Variants in SLC17A1 observed in about 807,000 individuals in gnomAD.
The protein encoded by SLC17A1 is sodium-dependent phosphate transport protein 1.
A neutral mutation model predicts 53.5 loss-of-function variants in SLC17A1; 51 were observed. The ratio of observed to expected loss-of-function variants is 0.95; its 90% CI spans 0.76 to 1.20. The LOEUF is 1.20. Among genes scored for constraint, SLC17A1 ranks in the 50% most tolerant of loss-of-function variants. SLC17A1 has a pLI of 0.00. For missense variants in SLC17A1, 538 were observed against 568.2 expected, an observed-to-expected ratio of 0.95 and a Z score of 0.54; for synonymous variants, 179 against 198.8, an observed-to-expected ratio of 0.90 and a Z score of 0.84.
intron 1 of SLC17A1, among the ~76,000 whole-genome samples, chr6:25,831,688 C>T (rs1474594305): frequency 6.6e-6 from 1 of 152,092 alleles, no homozygotes; most frequent in Non-Finnish European, 1.5e-5. Context: ...GGCACAGATG[C>T]ACCAGGCGTA....
At chr6:25,732,738 T>C in the SLC17A1 span, 3 of 1,175,726 alleles carry the variant, frequency 2.6e-6, no homozygotes, top group Non-Finnish European at 3.7e-6. Flanking sequence ...CGAGTGACAA[T>C]GGCTTAGGGT....
chr6:25,798,033 T>G (rs544681800), intron 12 of SLC17A1, among the ~76,000 whole-genome samples: 2 of 152,304 alleles, frequency 1.3e-5, no homozygotes, highest in South Asian at 4.1e-4. Flanking sequence ...TTCAGTTTGA[T>G]TTTCTTAGCA....
chr6:25,766,577 G>T, the SLC17A1 span, among the ~76,000 whole-genome samples: 1 of 151,960 alleles, frequency 6.6e-6, no homozygotes, highest in Non-Finnish European at 1.5e-5. Flanking sequence ...CTCAAGCCAG[G>T]GCACCAAGAT....
At chr6:25,743,878 G>T in the SLC17A1 span, among the ~76,000 whole-genome samples, 3 of 152,318 alleles carry the variant, frequency 2.0e-5, no homozygotes, top group Admixed American at 2.0e-4. Flanking sequence ...ATGTACAAAA[G>T]TTCATGAGAA....
At chr6:25,816,162 A>G (rs1263819068) in intron 6 of SLC17A1, among the ~76,000 whole-genome samples, 1 of 152,210 alleles carries the variant, frequency 6.6e-6, no homozygotes, top group Non-Finnish European at 1.5e-5. Flanking sequence ...TGACCTGAAG[A>G]GTCCTGTTTA....
At chr6:25,806,825 C>A (rs550776139) in intron 10 of SLC17A1, among the ~76,000 whole-genome samples, 1 of 151,852 alleles carries the variant, frequency 6.6e-6, no homozygotes, top group Admixed American at 6.6e-5. Flanking sequence ...TCAAACAAAT[C>A]AGCAGGAAAA....
chr6:25,811,005 A>G (rs1764135589), intron 10 of SLC17A1, among the ~76,000 whole-genome samples: 1 of 152,188 alleles, frequency 6.6e-6, no homozygotes, highest in Non-Finnish European at 1.5e-5. Context: ...ACACAGAAAG[A>G]CAAACACTGC....
chr6:25,736,253 T>G, the SLC17A1 span, among the ~76,000 whole-genome samples: 2 of 152,146 alleles, frequency 1.3e-5, no homozygotes, highest in Non-Finnish European at 2.9e-5. Context: ...TCCTCCTTAA[T>G]TTATCTCAAT....
chr6:25,747,205 G>A, the SLC17A1 span, among the ~76,000 whole-genome samples: 39 of 152,284 alleles, frequency 2.6e-4, no homozygotes, highest in African/African-American at 6.0e-4. Context: ...CCATTCTTCC[G>A]GGTTAGGGCA....
intron 3 of SLC17A1, among the ~76,000 whole-genome samples, chr6:25,825,414 C>T (rs958121512): frequency 1.1e-4 from 16 of 151,692 alleles, no homozygotes; most frequent in Non-Finnish European, 1.8e-4. Context: ...TTATTGAATA[C>T]AGAATTCTAG....
At chr6:25,750,635 G>GAC in the SLC17A1 span, among the ~76,000 whole-genome samples, 1 of 96,246 alleles carries the variant, frequency 1.0e-5, no homozygotes, top group Non-Finnish European at 2.6e-5. Context: ...ACCCATGTCA[G>GAC]AGAGAGAGAG....
chr6:25,799,270 T>C (rs1199052819), intron 11 of SLC17A1, among the ~76,000 whole-genome samples: 2 of 152,186 alleles, frequency 1.3e-5, no homozygotes, highest in African/African-American at 4.8e-5. Flanking sequence ...TAAGCTTATA[T>C]AGATAAAGAG....
chr6:25,746,598 A>C, the SLC17A1 span, among the ~76,000 whole-genome samples: 1 of 152,198 alleles, frequency 6.6e-6, no homozygotes, highest in Non-Finnish European at 1.5e-5. Context: ...TCCAAAAAAA[A>C]ATCAAATTCT....
the SLC17A1 span, chr6:25,732,540 A>G: frequency 1.9e-6 from 1 of 535,872 alleles, no homozygotes; most frequent in South Asian, 1.8e-5. Context: ...GCTGCTCAGC[A>G]AGGGCAACGA....
the SLC17A1 span, among the ~76,000 whole-genome samples, chr6:25,764,177 T>C: frequency 6.6e-6 from 1 of 152,158 alleles, no homozygotes; most frequent in Non-Finnish European, 1.5e-5. Context: ...TCTCATTGAG[T>C]TCGGCCTGCC....
intron 3 of SLC17A1, among the ~76,000 whole-genome samples, chr6:25,823,125 T>G (rs891691403): frequency 8.5e-5 from 13 of 152,208 alleles, no homozygotes; most frequent in Non-Finnish European, 1.9e-4. Flanking sequence ...TTGTTCTTTG[T>G]GTCAGTAGTT....
At chr6:25,823,661 T>C (rs770290369) in intron 3 of SLC17A1, among the ~76,000 whole-genome samples, 28 of 151,992 alleles carry the variant, frequency 1.8e-4, no homozygotes, top group Non-Finnish European at 1.9e-4. Context: ...TTGTATTGGG[T>C]TGTGTTTTTT....
the SLC17A1 span, among the ~76,000 whole-genome samples, chr6:25,758,315 C>G: frequency 3.2e-3 from 487 of 152,340 alleles, 2 homozygotes; most frequent in African/African-American, 9.4e-3. Context: ...ATACCAGCAA[C>G]TGTCTCTAAA....
chr6:25,725,138 C>T, the SLC17A1 span, among the ~76,000 whole-genome samples: 1 of 151,872 alleles, frequency 6.6e-6, no homozygotes, highest in Admixed American at 6.6e-5. Context: ...GTTTACAGCA[C>T]AAACTGCAAA....
Sources: gnomAD v4.1 joint callset for allele counts (sites outside exome capture counted in the v4.1 genomes callset) on GRCh38, gnomAD v4.1.1 for gene constraint, MANE v1.5 for transcripts, NCBI Gene and HGNC (gene_info 2026-07-23, HGNC 2026-07-21) for gene names.